RBM41: variants seen among roughly 807,000 people sequenced by gnomAD.
RBM41 encodes RNA binding motif protein 41.
In RBM41, 14 loss-of-function variants were observed where a neutral mutation model predicts 30.8. That is an observed-to-expected ratio of 0.45 (90% CI 0.30 to 0.71). The LOEUF (loss-of-function observed/expected upper bound fraction) is 0.71, where lower values mean the gene tolerates loss of function less well. RBM41 is among the 30% of genes least tolerant of loss of function. RBM41 has a pLI of 0.08. For missense variants in RBM41, 276 were observed against 326.3 expected (o/e 0.85, Z 1.19); for synonymous variants, 120 against 110.1 (o/e 1.09, Z -0.56).
intron 6 of RBM41, among the ~76,000 whole-genome samples, chrX:107,086,884 T>C (rs1459986270): frequency 8.9e-6 from 1 of 112,503 alleles, no homozygotes; most frequent in Non-Finnish European, 1.9e-5. Context: ...TATAGTTCCT[T>C]GTATCTTTAG....
At chrX:107,061,203 G>T (rs1200397901), downstream of RBM41, among the ~76,000 whole-genome samples, 2 of 111,926 alleles carry the variant, frequency 1.8e-5, no homozygotes, top group Non-Finnish European at 3.8e-5. Flanking sequence ...TTAAAATAAG[G>T]TCTAATAGTT....
intron 5 of RBM41, among the ~76,000 whole-genome samples, chrX:107,097,177 C>T (rs191174421): frequency 1.8e-5 from 2 of 111,817 alleles, no homozygotes; most frequent in Admixed American, 1.9e-4. Flanking sequence ...TGGTTATACA[C>T]GGAATTACTG....
At chrX:107,085,260 CTTT>C (rs1190566353) in intron 6 of RBM41, among the ~76,000 whole-genome samples, 1 of 76,401 alleles carries the variant, frequency 1.3e-5, no homozygotes, top group African/African-American at 6.7e-5. Flanking sequence ...TTTTCTTTTT[CTTT>C]TTTTTTTTTT....
chrX:107,089,980 G>A (rs1922370675), intron 5 of RBM41, among the ~76,000 whole-genome samples: 1 of 112,247 alleles, frequency 8.9e-6, no homozygotes, highest in African/African-American at 3.2e-5. Flanking sequence ...CATCAACTAT[G>A]TGGTTTCCCT....
rs771518597 is a variant in RBM41 at position 107,118,785 on chromosome X, C to T, written c.-12G>A. 1.3e-5 allele frequency: 16 copies of T among 1,209,872 alleles called. No individual in the cohort carries two copies. Among genetic ancestry groups the T allele is most frequent in the Non-Finnish European group, 1.7e-5 (15 of 895,161 alleles). ...CCTTACCTCTTCATGTTTCCACAGG[C>T]CCCTACCTCCAACTTGGGTAAATAG... On this transcript the variant is annotated 5_prime_UTR_variant, in exon 1 of 8. Transcript: ENST00000685964.
intron 5 of RBM41, among the ~76,000 whole-genome samples, chrX:107,102,156 A>G (rs1029970237): frequency 7.2e-5 from 8 of 111,826 alleles, no homozygotes; most frequent in African/African-American, 2.3e-4. Flanking sequence ...AGGAAAGGCA[A>G]TCTTTGTTAT....
At chrX:107,082,652 C>G (rs762881884) in intron 6 of RBM41, among the ~76,000 whole-genome samples, 2 of 111,101 alleles carry the variant, frequency 1.8e-5, no homozygotes, top group South Asian at 7.6e-4. Flanking sequence ...CATTTTCACC[C>G]TTCTCTTAGC....
At chrX:107,091,669 C>A (rs939091876) in intron 5 of RBM41, among the ~76,000 whole-genome samples, 7 of 111,835 alleles carry the variant, frequency 6.3e-5, no homozygotes, top group African/African-American at 1.6e-4. Context: ...CTTATGGTTC[C>A]ATTGTTTCTT....
chrX:107,118,155 T>A (rs912642831), intron 1 of RBM41, among the ~76,000 whole-genome samples: 1 of 110,592 alleles, frequency 9.0e-6, no homozygotes, highest in African/African-American at 3.3e-5. Flanking sequence ...AAGCGGCCAT[T>A]TACCTCAGGA....
intron 5 of RBM41, among the ~76,000 whole-genome samples, chrX:107,105,123 C>T (rs533291151): frequency 6.3e-5 from 7 of 111,338 alleles, no homozygotes; most frequent in East Asian, 5.7e-4. Flanking sequence ...AAAACCCCAC[C>T]GTCTCAGCCC....
At chrX:107,109,881 CCA>C (rs1890103975) in intron 5 of RBM41, among the ~76,000 whole-genome samples, 1 of 110,979 alleles carries the variant, frequency 9.0e-6, no homozygotes, top group African/African-American at 3.3e-5. Flanking sequence ...GTGTTAATTT[CCA>C]CATATTTGTA....
the RBM41 span, among the ~76,000 whole-genome samples, chrX:107,056,798 C>T: frequency 9.6e-6 from 1 of 103,677 alleles, no homozygotes; most frequent in African/African-American, 3.8e-5. Context: ...TTTTGGTGAT[C>T]TTCTCAAATA....
intron 5 of RBM41, among the ~76,000 whole-genome samples, chrX:107,094,939 A>G (rs1375416115): frequency 9.0e-6 from 1 of 111,119 alleles, no homozygotes; most frequent in Non-Finnish European, 1.9e-5. Context: ...GCCACTAAAT[A>G]TACGGTAATT....
chrX:107,067,419 G>T lies in RBM41; in HGVS notation c.*108C>A. On this transcript the variant is annotated 3_prime_UTR_variant, in exon 8 of 8. Transcript: ENST00000685964. ...GAAATTACTTTTTTCCCCTCCCTCA[G>T]TTAGTTTTTCCTCTTCAACTCCAAA... 1 of 1,093,536 alleles carries T rather than the reference G, an allele frequency of 9.1e-7. No homozygotes were observed. The highest frequency in any genetic ancestry group is 2.8e-5 in the South Asian group (1 of 35,338). The allele number at this position is 1,093,536 out of a possible 1,213,427, so 90.1% of individuals were successfully genotyped here.
chrX:107,116,248 A>T (rs751022424), intron 2 of RBM41, 194 bp from the exon 3 acceptor site: 5 of 965,677 alleles, frequency 5.2e-6, no homozygotes, highest in Non-Finnish European at 6.5e-6. Flanking sequence ...TAATAAACTA[A>T]ATCAACAAAT....
intron 2 of RBM41, 132 bp downstream of exon 2, chrX:107,116,518 C>A: frequency 2.0e-6 from 2 of 1,009,319 alleles, no homozygotes; most frequent in East Asian, 3.1e-5. Context: ...AGAATTAAAA[C>A]CCTACCTAAT....
At chrX:107,104,578 G>A (rs977857741) in intron 5 of RBM41, among the ~76,000 whole-genome samples, 8 of 110,537 alleles carry the variant, frequency 7.2e-5, no homozygotes, top group African/African-American at 1.6e-4. Context: ...CTTTTTAAAC[G>A]AACTGCTACT....
chrX:107,075,809 A>C (rs1936205012), intron 6 of RBM41, among the ~76,000 whole-genome samples: 1 of 112,139 alleles, frequency 8.9e-6, no homozygotes, highest in African/African-American at 3.2e-5. Flanking sequence ...AGCTGCTATG[A>C]AGTACAGTGT....
chrX:107,068,048 A>G (rs1319323087), intron 7 of RBM41, among the ~76,000 whole-genome samples: 1 of 111,736 alleles, frequency 8.9e-6, no homozygotes, highest in Non-Finnish European at 1.9e-5. Flanking sequence ...AGAATCAATC[A>G]TTTTCAAAAT....
Sources: allele counts gnomAD v4.1 joint callset (sites outside exome capture counted in the v4.1 genomes callset), GRCh38; gene constraint gnomAD v4.1.1; transcripts MANE v1.5; gene names NCBI Gene and HGNC (gene_info 2026-07-23, HGNC 2026-07-21).